The following ST8SIA1 variants were observed in gnomAD, a reference collection of about 807,000 sequenced individuals.
ST8SIA1 encodes the protein alpha-N-acetylneuraminide alpha-2,8-sialyltransferase.
Under a neutral mutation model 35.9 loss-of-function variants are expected in ST8SIA1, and 16 were observed. The ratio of observed to expected loss-of-function variants is 0.45; its 90% confidence interval spans 0.30 to 0.68. The LOEUF (loss-of-function observed/expected upper bound fraction) is 0.68. Ranked by LOEUF, ST8SIA1 falls within the 30% of genes least tolerant of loss-of-function variation. ST8SIA1 has a pLI of 0.09. For missense variants in ST8SIA1, 383 were observed against 453.6 expected, an observed-to-expected ratio of 0.84 and a Z score of 1.41; for synonymous variants, 170 against 169.6, an observed-to-expected ratio of 1.00 and a Z score of -0.02.
At chr12:22,229,615 CAA>C (rs11290260) in intron 4 of ST8SIA1, among the ~76,000 whole-genome samples, 952 of 93,746 alleles carry the variant, frequency 0.01, 8 homozygotes, top group African/African-American at 0.03. Flanking sequence ...GACCGGGTTT[CAA>C]AAAAAAAAAA....
intron 3 of ST8SIA1, among the ~76,000 whole-genome samples, chr12:22,251,700 C>T (rs16924832): frequency 0.069 from 10,555 of 152,106 alleles, 426 homozygotes; most frequent in East Asian, 0.16. Flanking sequence ...TTTGCATTAT[C>T]GCTGTTGGCA....
intron 2 of ST8SIA1, among the ~76,000 whole-genome samples, chr12:22,279,641 C>G (rs1866010885): frequency 6.6e-6 from 1 of 152,222 alleles, no homozygotes; most frequent in Non-Finnish European, 1.5e-5. Flanking sequence ...ATTCTGCATA[C>G]TAGCAGCACA....
At position 22,193,855 on chromosome 12, in the gene ST8SIA1, T is replaced by C. The variant is rs1864952449; in HGVS notation, c.*7697A>G. On this transcript the variant is annotated 3_prime_UTR_variant, in exon 5 of 5. Coordinates refer to ENST00000396037, the MANE Select transcript of ST8SIA1 (RefSeq NM_003034.4). Reference sequence around the variant, plus strand: ...ATGAACTAGTAGTCAGATTATATTATATGAGAAAAAATAATGTTTTAATTT... The same window carrying C: ...ATGAACTAGTAGTCAGATTATATTACATGAGAAAAAATAATGTTTTAATTT... 2 of 151,662 alleles carry C rather than the reference T, an allele frequency of 1.3e-5. No homozygotes were observed. The highest frequency in any genetic ancestry group is 6.6e-5 in the Admixed American group (1 of 15,054). The allele number at this position is 151,662 out of a possible 1,614,324, so 9.4% of individuals were successfully genotyped here. A position where few individuals can be genotyped will look rare whatever the true frequency, so the allele number is the denominator to read the frequency against.
In ST8SIA1 at chr12:22,196,564, G is replaced by T. The variant is rs914310557; in HGVS notation, c.*4988C>A. 13 of 152,058 alleles carry T rather than the reference G, an allele frequency of 8.5e-5. No individual in the cohort carries two copies. Among genetic ancestry groups the T allele is most frequent in the African/African-American group, 3.1e-4 (13 of 41,398 alleles). 9.4% of individuals were successfully genotyped at this position (152,058 alleles called of 1,614,324 possible). A position where few individuals can be genotyped will look rare whatever the true frequency, so the allele number is the denominator to read the frequency against. On this transcript the variant is annotated 3_prime_UTR_variant, in exon 5 of 5. Transcript: ENST00000396037. Reference sequence around the variant, plus strand: ...CTAAATATTGTGGCCTCATATTTAGGAGTTTATAAACAGACGCTCTGGGCT... The same window carrying T: ...CTAAATATTGTGGCCTCATATTTAGTAGTTTATAAACAGACGCTCTGGGCT...
At chr12:22,275,410 C>A (rs948544896) in intron 2 of ST8SIA1, among the ~76,000 whole-genome samples, 13 of 152,110 alleles carry the variant, frequency 8.5e-5, no homozygotes, top group Non-Finnish European at 1.6e-4. Context: ...CAAAAATTAG[C>A]CAGGCATGGT....
In ST8SIA1 at chr12:22,193,783, T is replaced by C. The variant is rs1000162036; in HGVS notation, c.*7769A>G. 6.6e-6 allele frequency: 1 copy of C among 152,218 alleles called. No individual in the cohort carries two copies. The highest frequency in any genetic ancestry group is 2.4e-5 in the African/African-American group (1 of 41,462). The allele number at this position is 152,218 out of a possible 1,614,324, so 9.4% of individuals were successfully genotyped here. ...TTCCATATACTCTTCAAAGGTGATT[T>C]CAATTTTATAGTTTAATCTAAAATT... On this transcript the variant is annotated 3_prime_UTR_variant, in exon 5 of 5. Coordinates refer to ENST00000396037, the MANE Select transcript of ST8SIA1 (RefSeq NM_003034.4).
intron 4 of ST8SIA1, among the ~76,000 whole-genome samples, chr12:22,246,521 T>G (rs1220604047): frequency 2.6e-5 from 4 of 152,020 alleles, no homozygotes; most frequent in South Asian, 4.1e-4. Flanking sequence ...TGTTAATGAG[T>G]TGATTGAGGC....
intron 1 of ST8SIA1, among the ~76,000 whole-genome samples, chr12:22,307,902 A>G (rs561662980): frequency 2.0e-5 from 3 of 152,312 alleles, no homozygotes; most frequent in Admixed American, 6.5e-5. Context: ...TTTTCAATAC[A>G]GTTTTCTGAT....
intron 1 of ST8SIA1, among the ~76,000 whole-genome samples, chr12:22,300,737 T>C (rs1372296701): frequency 6.6e-6 from 1 of 152,170 alleles, no homozygotes; most frequent in South Asian, 2.1e-4. Flanking sequence ...TACAATGACT[T>C]GTGATCCAAT....
chr12:22,328,350 T>C (rs1279452943), intron 1 of ST8SIA1, among the ~76,000 whole-genome samples: 2 of 152,178 alleles, frequency 1.3e-5, no homozygotes, highest in African/African-American at 2.4e-5. Context: ...CCAGGGACCA[T>C]GCTGGGCTCT....
intron 2 of ST8SIA1, among the ~76,000 whole-genome samples, chr12:22,275,684 A>G (rs1275185872): frequency 6.6e-6 from 1 of 152,208 alleles, no homozygotes; most frequent in African/African-American, 2.4e-5. Flanking sequence ...GAATTTTATC[A>G]TACAGGTTGT....
intron 2 of ST8SIA1, among the ~76,000 whole-genome samples, chr12:22,277,059 T>G (rs1420946493): frequency 6.6e-6 from 1 of 152,190 alleles, no homozygotes; most frequent in Non-Finnish European, 1.5e-5. Context: ...GAATGGTTGG[T>G]GCATCCCTAA....
At chr12:22,321,759 G>T (rs1452645458) in intron 1 of ST8SIA1, among the ~76,000 whole-genome samples, 2 of 152,200 alleles carry the variant, frequency 1.3e-5, no homozygotes, top group Non-Finnish European at 2.9e-5. Context: ...AAACAATAAA[G>T]TGACTGTGTT....
chr12:22,276,839 A>G (rs1865974296), intron 2 of ST8SIA1, among the ~76,000 whole-genome samples: 1 of 150,936 alleles, frequency 6.6e-6, no homozygotes, highest in Non-Finnish European at 1.5e-5. Flanking sequence ...ACACATGACA[A>G]AATAAAATAA....
chr12:22,288,033 T>C lies in ST8SIA1; in HGVS notation c.237-740A>G, dbSNP rs112047861. 5.1e-4 allele frequency among the ~76,000 whole-genome samples: 78 copies of C among 152,246 alleles called. 2 individuals carry two copies. Among genetic ancestry groups the C allele is most frequent in the African/African-American group, 1.8e-3 (76 of 41,540 alleles). On this transcript the variant is annotated intron_variant, in intron 1 of 4. Transcript: ENST00000396037. ...GTCTGAAGCACCAGCATCACTGGGG[T>C]AACCTCACCCTTCTGGGCTGACTTG...
intron 4 of ST8SIA1, among the ~76,000 whole-genome samples, chr12:22,213,705 A>G (rs570429329): frequency 6.6e-6 from 1 of 152,310 alleles, no homozygotes; most frequent in South Asian, 2.1e-4. Flanking sequence ...ACAGGACAGA[A>G]AAAAGGAAGG....
At chr12:22,284,586 A>C (rs1866074499) in intron 2 of ST8SIA1, among the ~76,000 whole-genome samples, 1 of 152,216 alleles carries the variant, frequency 6.6e-6, no homozygotes, top group Non-Finnish European at 1.5e-5. Flanking sequence ...TCAGATTCTT[A>C]GCAGGAAAAT....
chr12:22,293,610 G>A (rs1866207090), intron 1 of ST8SIA1, among the ~76,000 whole-genome samples: 2 of 152,176 alleles, frequency 1.3e-5, no homozygotes, highest in South Asian at 2.1e-4. Flanking sequence ...ATTAGAGGAC[G>A]GTTTTGAAAT....
intron 1 of ST8SIA1, among the ~76,000 whole-genome samples, chr12:22,299,514 A>T (rs1866291598): frequency 6.6e-6 from 1 of 152,132 alleles, no homozygotes; most frequent in African/African-American, 2.4e-5. Context: ...TAAGTCCAAT[A>T]AGAGGCTGTA....
Sources: allele counts gnomAD v4.1 joint callset (sites outside exome capture counted in the v4.1 genomes callset), GRCh38; gene constraint gnomAD v4.1.1; transcripts MANE v1.5; gene names NCBI Gene and HGNC (gene_info 2026-07-23, HGNC 2026-07-21).